GPC5: variants seen among roughly 807,000 people sequenced by gnomAD.
GPC5 encodes glypican-5.
GPC5 carries 47 observed loss-of-function variants against 53.9 expected under a neutral mutation model. That is an observed-to-expected ratio of 0.87 (90% CI 0.69 to 1.11). GPC5 has a LOEUF of 1.11. GPC5 is among the 50% of genes most tolerant of loss of function. The probability of loss-of-function intolerance (pLI) is 0.00; values close to 1 mark genes in which losing one functional copy is unlikely to be tolerated. For synonymous variants in GPC5, 286 were observed against 263.3 expected, an observed-to-expected ratio of 1.09 and a Z score of -0.84; for missense variants, 748 against 713.1, an observed-to-expected ratio of 1.05 and a Z score of -0.56.
chr13:92,498,984 G>A (rs1353428648), intron 7 of GPC5, among the ~76,000 whole-genome samples: 1 of 151,972 alleles, frequency 6.6e-6, no homozygotes, highest in Non-Finnish European at 1.5e-5. Flanking sequence ...TTACATCCTA[G>A]ATAGAATGCT....
At chr13:92,175,469 T>G (rs1283081758) in intron 7 of GPC5, among the ~76,000 whole-genome samples, 1 of 152,228 alleles carries the variant, frequency 6.6e-6, no homozygotes, top group Non-Finnish European at 1.5e-5. Context: ...TAGGAGGTTA[T>G]GATGACATCA....
intron 6 of GPC5, among the ~76,000 whole-genome samples, chr13:92,119,575 T>G (rs1312739502): frequency 3.8e-5 from 5 of 132,114 alleles, no homozygotes; most frequent in African/African-American, 1.4e-4. Context: ...TAATTTTTTT[T>G]TTTTTTTTTT....
chr13:91,845,264 CA>C (rs1378403368), intron 5 of GPC5, among the ~76,000 whole-genome samples: 2 of 152,000 alleles, frequency 1.3e-5, no homozygotes, highest in Non-Finnish European at 2.9e-5. Context: ...TCTTGACACA[CA>C]ACTGTTAGAT....
At chr13:91,541,190 GACT>G (rs2029905980) in intron 2 of GPC5, among the ~76,000 whole-genome samples, 1 of 152,004 alleles carries the variant, frequency 6.6e-6, no homozygotes, top group South Asian at 2.1e-4. Flanking sequence ...GTTTTTAAGT[GACT>G]ACATTTAAAT....
At chr13:91,924,440 C>T (rs1355988913) in intron 6 of GPC5, among the ~76,000 whole-genome samples, 1 of 152,078 alleles carries the variant, frequency 6.6e-6, no homozygotes, top group East Asian at 1.9e-4. Context: ...CATTATCTGG[C>T]CTAGAGTGGT....
intron 7 of GPC5, among the ~76,000 whole-genome samples, chr13:92,637,979 A>T (rs779101956): frequency 6.6e-5 from 10 of 152,202 alleles, no homozygotes; most frequent in Non-Finnish European, 1.2e-4. Context: ...TGTAGAGATG[A>T]AATCAAAAGC....
At chr13:91,886,982 C>T (rs568333273) in intron 5 of GPC5, among the ~76,000 whole-genome samples, 7 of 152,232 alleles carry the variant, frequency 4.6e-5, no homozygotes, top group South Asian at 2.1e-4. Context: ...CACTAGGCAG[C>T]GCCCCAGTAA....
intron 1 of GPC5, among the ~76,000 whole-genome samples, chr13:91,417,221 A>G (rs1259600042): frequency 6.6e-6 from 1 of 152,184 alleles, no homozygotes; most frequent in African/African-American, 2.4e-5. Flanking sequence ...TATTGAGGCT[A>G]CTGTGTCATA....
At chr13:92,648,396 T>A (rs1213217154) in intron 7 of GPC5, among the ~76,000 whole-genome samples, 1 of 148,750 alleles carries the variant, frequency 6.7e-6, no homozygotes, top group Admixed American at 6.8e-5. Flanking sequence ...TATAAAAATA[T>A]AAGAAATCTA....
intron 2 of GPC5, among the ~76,000 whole-genome samples, chr13:91,639,133 C>T (rs2034356584): frequency 6.6e-6 from 1 of 152,106 alleles, no homozygotes. Flanking sequence ...GTCCCTCTGT[C>T]TTGATTCTTC....
intron 5 of GPC5, among the ~76,000 whole-genome samples, chr13:91,855,627 G>A (rs1168227273): frequency 6.6e-6 from 1 of 151,520 alleles, no homozygotes; most frequent in Non-Finnish European, 1.5e-5. Context: ...ACAGGTTACT[G>A]CCAGGGCATA....
At chr13:91,629,378 C>CA (rs1168338880) in intron 2 of GPC5, among the ~76,000 whole-genome samples, 1 of 151,914 alleles carries the variant, frequency 6.6e-6, no homozygotes, top group Non-Finnish European at 1.5e-5. Context: ...CATGATGGCT[C>CA]ACGCCTGTAA....
intron 7 of GPC5, among the ~76,000 whole-genome samples, chr13:92,220,195 T>G (rs998351725): frequency 6.6e-6 from 1 of 152,138 alleles, no homozygotes; most frequent in African/African-American, 2.4e-5. Context: ...ATTGAATAAA[T>G]AAATACTTGA....
chr13:91,556,569 A>ATC (rs1446901975), intron 2 of GPC5, among the ~76,000 whole-genome samples: 3 of 150,996 alleles, frequency 2.0e-5, no homozygotes, highest in Non-Finnish European at 4.4e-5. Flanking sequence ...ATATATATAT[A>ATC]TACACACACA....
intron 7 of GPC5, among the ~76,000 whole-genome samples, chr13:92,570,081 CAT>C (rs1346808472): frequency 1.3e-5 from 2 of 152,038 alleles, no homozygotes; most frequent in Non-Finnish European, 1.5e-5. Flanking sequence ...TGATTTTCAC[CAT>C]ATGTGTTTTA....
intron 7 of GPC5, among the ~76,000 whole-genome samples, chr13:92,391,438 A>G (rs892908273): frequency 1.3e-5 from 2 of 152,144 alleles, no homozygotes; most frequent in African/African-American, 4.8e-5. Context: ...AAGATGATTT[A>G]AAATTTTTTA....
intron 7 of GPC5, among the ~76,000 whole-genome samples, chr13:92,502,006 C>G (rs188666509): frequency 6.6e-6 from 1 of 151,940 alleles, no homozygotes; most frequent in Non-Finnish European, 1.5e-5. Context: ...ATATCACAAA[C>G]GAAAGAAGAG....
chr13:92,685,693 C>T (rs1887253070), intron 7 of GPC5, among the ~76,000 whole-genome samples: 1 of 115,670 alleles, frequency 8.6e-6, no homozygotes, highest in African/African-American at 3.5e-5. Flanking sequence ...GGTATATCTC[C>T]CAATGCTATC....
intron 7 of GPC5, among the ~76,000 whole-genome samples, chr13:92,758,489 AG>A (rs1341229740): frequency 6.6e-6 from 1 of 152,132 alleles, no homozygotes; most frequent in Non-Finnish European, 1.5e-5. Context: ...AATAAAAAAA[AG>A]AATATTTTCT....
Sources: allele counts gnomAD v4.1 joint callset (sites outside exome capture counted in the v4.1 genomes callset), GRCh38; gene constraint gnomAD v4.1.1; transcripts MANE v1.5; gene names NCBI Gene and HGNC (gene_info 2026-07-23, HGNC 2026-07-21).